The following EGLN3 variants were observed in gnomAD, a reference collection of about 807,000 sequenced individuals.
The protein encoded by EGLN3 is prolyl hydroxylase EGLN3.
Under a neutral mutation model 26.0 loss-of-function variants are expected in EGLN3, and 15 were observed. That is an observed-to-expected ratio of 0.58 (90% CI 0.39 to 0.89). The LOEUF is 0.89. Among genes scored for constraint, EGLN3 ranks in the 40% least tolerant of loss-of-function variants. The pLI is 0.00. For synonymous variants in EGLN3, 147 were observed against 127.2 expected, an observed-to-expected ratio of 1.16 and a Z score of -1.05; for missense variants, 238 against 311.6, an observed-to-expected ratio of 0.76 and a Z score of 1.78.
chr14:33,936,082 T>G (rs1379528224), intron 1 of EGLN3, among the ~76,000 whole-genome samples: 1 of 151,734 alleles, frequency 6.6e-6, no homozygotes, highest in Non-Finnish European at 1.5e-5. Context: ...AATACAAAAA[T>G]TAGTTGGGCA....
At position 33,929,816 on chromosome 14, in the gene EGLN3, T is replaced by A. The variant is rs762605075; in HGVS notation, c.478-604A>T. 3.0e-4 allele frequency among the ~76,000 whole-genome samples: 45 copies of A among 152,284 alleles called. No individual in the cohort carries two copies. In the Middle Eastern group the frequency reaches 0.01, roughly 35 times the overall value. On this transcript the variant is annotated intron_variant, in intron 2 of 4. Coordinates refer to ENST00000250457, the MANE Select transcript of EGLN3 (RefSeq NM_022073.4). ...TTGCCAATATTTGAGTGTTTTTGAC[T>A]TAAAAAAAAATGCCCAGTGATCTCA...
At chr14:33,949,419 G>C (rs2064540443) in intron 1 of EGLN3, 2 of 152,178 alleles carry the variant, frequency 1.3e-5, no homozygotes, top group African/African-American at 4.8e-5. Flanking sequence ...ACTCTGCTTC[G>C]CTGTTTCAGT....
At chr14:33,950,276 C>G (rs1566602810) in intron 1 of EGLN3, 120 bp downstream of exon 1, 4 of 967,768 alleles carry the variant, frequency 4.1e-6, no homozygotes, top group Non-Finnish European at 1.6e-6. Context: ...ACAAACCAGG[C>G]TGACTTCTTG....
intron 1 of EGLN3, among the ~76,000 whole-genome samples, chr14:33,944,478 T>C (rs1224989615): frequency 1.3e-5 from 2 of 152,176 alleles, no homozygotes; most frequent in Non-Finnish European, 2.9e-5. Context: ...GCTCAAGATA[T>C]CATCTCTCCA....
In EGLN3 at chr14:33,935,616, CACACATAT is replaced by C. The variant is rs1392563902; in HGVS notation, c.358-4409_358-4402del. 1.4e-4 allele frequency among the ~76,000 whole-genome samples: 20 copies of C among 139,574 alleles called. No individual in the cohort carries two copies. The East Asian group carries it at 4.0e-3, about 28-fold the overall frequency. 91.6% of individuals were successfully genotyped at this position (139,574 alleles called of 152,430 possible). A position where few individuals can be genotyped will look rare whatever the true frequency, so the allele number is the denominator to read the frequency against. ...ACACACACACACACACACACACACA[CACACATAT>C]ATATATATACACACACATATATCAG... On this transcript the variant is annotated intron_variant, in intron 1 of 4. Coordinates refer to ENST00000250457, the MANE Select transcript of EGLN3 (RefSeq NM_022073.4).
chr14:33,928,391 C>T (rs1367580682), intron 3 of EGLN3, among the ~76,000 whole-genome samples: 4 of 152,112 alleles, frequency 2.6e-5, no homozygotes, highest in Admixed American at 6.6e-5. Flanking sequence ...CAATGCTGCC[C>T]GGCTTATTGC....
rs937266282 is a variant in EGLN3 at position 33,950,562 on chromosome 14, G to A, written c.191C>T (p.Pro64Leu). 6.2e-7 allele frequency: 1 copy of A among 1,611,852 alleles called. No homozygotes were observed. The highest frequency in any genetic ancestry group is 1.7e-5 in the Admixed American group (1 of 59,914). The change falls in exon 1 of 5, where the codon CCG (proline) becomes CTG (leucine). Residue 64 changes from proline to leucine, a missense_variant. Pro to Leu is a moderately conservative substitution (Grantham distance 98). Coordinates refer to ENST00000250457, the MANE Select transcript of EGLN3 (RefSeq NM_022073.4). ...GTGTCGCTTGGAGACGCCGGCGCGC[G>A]GCCCCGCCAGCTGGCCGTCCCGCAG... ...GALRDGQLAGPRAGVSKRHLR... is the reference protein window; with the variant it reads ...GALRDGQLAGLRAGVSKRHLR...
At position 33,950,756 on chromosome 14, in the gene EGLN3, G is replaced by A; in HGVS notation, c.-4C>T. The A allele has an allele frequency of 1.3e-6, 2 of 1,596,966 alleles. No homozygotes were observed. The highest frequency in any genetic ancestry group is 1.7e-6 in the Non-Finnish European group (2 of 1,167,564). On this transcript the variant is annotated 5_prime_UTR_variant, in exon 1 of 5. Coordinates refer to ENST00000250457, the MANE Select transcript of EGLN3 (RefSeq NM_022073.4). ...TCATGATGTGTCCCAGGGGCATCTC[G>A]CCCGCAGAATCGAGGTCCGGGATCC...
intron 1 of EGLN3, among the ~76,000 whole-genome samples, chr14:33,937,221 A>G (rs186492309): frequency 1.3e-5 from 2 of 152,388 alleles, no homozygotes; most frequent in East Asian, 3.9e-4. Context: ...ATGATGAAGC[A>G]GTGCTAACTT....
At chr14:33,944,062 C>T (rs953099986) in intron 1 of EGLN3, among the ~76,000 whole-genome samples, 14 of 152,130 alleles carry the variant, frequency 9.2e-5, no homozygotes, top group African/African-American at 1.9e-4. Context: ...AACCTACTGA[C>T]CCTGGTCCCA....
chr14:33,945,210 T>C (rs1189703058), intron 1 of EGLN3, among the ~76,000 whole-genome samples: 3 of 152,202 alleles, frequency 2.0e-5, no homozygotes, highest in African/African-American at 7.2e-5. Context: ...TTATTCACAG[T>C]GTTCCAGAGC....
chr14:33,939,400 C>T (rs909778578), intron 1 of EGLN3, among the ~76,000 whole-genome samples: 1 of 152,086 alleles, frequency 6.6e-6, no homozygotes, highest in Non-Finnish European at 1.5e-5. Flanking sequence ...TTAGTAGAGA[C>T]TGGGTTTCAC....
rs138552520 is a variant in EGLN3, at chr14:33,942,311, A to T, written c.357+8085T>A. 3.9e-3 allele frequency among the ~76,000 whole-genome samples: 589 copies of T among 151,208 alleles called. 4 individuals carry two copies. Among genetic ancestry groups the T allele is most frequent in the Middle Eastern group, 0.014 (4 of 288 alleles). ...AAGTTTAGTTAAAAAAAAAAAAAAGACAACTTGAGGTTCTATAGTGAACCT... is the reference window on the plus strand; with the variant it reads ...AAGTTTAGTTAAAAAAAAAAAAAAGTCAACTTGAGGTTCTATAGTGAACCT... On this transcript the variant is annotated intron_variant, in intron 1 of 4. Transcript: ENST00000250457.
At chr14:33,947,895 C>T (rs2138829680) in intron 1 of EGLN3, among the ~76,000 whole-genome samples, 1 of 152,158 alleles carries the variant, frequency 6.6e-6, no homozygotes, top group East Asian at 1.9e-4. Context: ...ACTAAAAATA[C>T]AAAAATTAGC....
intron 1 of EGLN3, among the ~76,000 whole-genome samples, chr14:33,943,923 G>A (rs1350052225): frequency 1.3e-5 from 2 of 152,082 alleles, no homozygotes; most frequent in African/African-American, 2.4e-5. Flanking sequence ...GTTAGAAAGG[G>A]AAATCATTCA....
chr14:33,951,049 G>T lies in EGLN3; in HGVS notation c.-297C>A. ...GGAGGGCGCCTTTTGGGGATGGGAA[G>T]CCACCACTGCCGCGACTGCGGCCAG... On this transcript the variant is annotated 5_prime_UTR_variant, in exon 1 of 5. Coordinates refer to ENST00000250457, the MANE Select transcript of EGLN3 (RefSeq NM_022073.4). 2.8e-6 allele frequency: 1 copy of T among 361,682 alleles called. No individual in the cohort carries two copies. Among genetic ancestry groups the T allele is most frequent in the Non-Finnish European group, 5.0e-6 (1 of 200,936 alleles). 22.4% of individuals were successfully genotyped at this position (361,682 alleles called of 1,614,324 possible).
chr14:33,928,842 A>G (rs1440077506), intron 3 of EGLN3, among the ~76,000 whole-genome samples: 1 of 152,238 alleles, frequency 6.6e-6, no homozygotes, highest in Non-Finnish European at 1.5e-5. Context: ...GGAATCCAAT[A>G]TGCTCATCTA....
At chr14:33,945,774 A>G (rs778300521) in intron 1 of EGLN3, among the ~76,000 whole-genome samples, 11 of 152,188 alleles carry the variant, frequency 7.2e-5, no homozygotes, top group Non-Finnish European at 1.3e-4. Flanking sequence ...TTCATAGTAC[A>G]TTGCTTCATT....
intron 1 of EGLN3, among the ~76,000 whole-genome samples, chr14:33,936,927 A>T (rs1248651182): frequency 6.6e-6 from 1 of 152,234 alleles, no homozygotes; most frequent in African/African-American, 2.4e-5. Context: ...ATCATTTGCA[A>T]CTTAAATCCG....
Sources: allele counts gnomAD v4.1 joint callset (sites outside exome capture counted in the v4.1 genomes callset), GRCh38; gene constraint gnomAD v4.1.1; transcripts MANE v1.5; gene names NCBI Gene and HGNC (gene_info 2026-07-23, HGNC 2026-07-21).